The following CPD variants were observed in gnomAD, a reference collection of about 807,000 sequenced individuals.
CPD encodes carboxypeptidase D, also known as metallocarboxypeptidase D.
Under a neutral mutation model 138.3 loss-of-function variants are expected in CPD, and 69 were observed. That is an observed-to-expected ratio of 0.50 (90% CI 0.41 to 0.61). CPD has a LOEUF of 0.61. CPD is among the 20% of genes least tolerant of loss of function. CPD has a pLI of 0.00. For synonymous variants in CPD, 651 were observed against 642.1 expected, an observed-to-expected ratio of 1.01 and a Z score of -0.21; for missense variants, 1,432 against 1,733.3, an observed-to-expected ratio of 0.83 and a Z score of 3.09.
At chr17:30,383,049 G>C (rs1401345827) in intron 1 of CPD, among the ~76,000 whole-genome samples, 1 of 152,218 alleles carries the variant, frequency 6.6e-6, no homozygotes, top group African/African-American at 2.4e-5. Context: ...TTACAAACCA[G>C]AGAGTAAATT....
chr17:30,422,102 A>T (rs1234835819), intron 4 of CPD, among the ~76,000 whole-genome samples: 2 of 152,346 alleles, frequency 1.3e-5, no homozygotes, highest in East Asian at 3.9e-4. Context: ...TGTGTAAAGC[A>T]TTGCCTTAAA....
At chr17:30,389,625 A>G (rs1597705962) in intron 2 of CPD, among the ~76,000 whole-genome samples, 1 of 152,248 alleles carries the variant, frequency 6.6e-6, no homozygotes, top group Non-Finnish European at 1.5e-5. Flanking sequence ...AGGTAAATGT[A>G]TCTCATACTA....
At chr17:30,397,139 A>T (rs1378663564) in intron 2 of CPD, among the ~76,000 whole-genome samples, 7 of 152,056 alleles carry the variant, frequency 4.6e-5, no homozygotes, top group African/African-American at 1.7e-4. Context: ...TGAAAGATGT[A>T]TTTTCAGTAA....
chr17:30,383,334 G>A (rs1567863847), intron 1 of CPD, among the ~76,000 whole-genome samples: 1 of 152,126 alleles, frequency 6.6e-6, no homozygotes. Context: ...CTGGGAAATG[G>A]GTAGCATTAA....
intron 2 of CPD, 176 bp downstream of exon 2, chr17:30,385,412 T>C: frequency 1.5e-6 from 1 of 673,090 alleles, no homozygotes; most frequent in Non-Finnish European, 2.3e-6. Flanking sequence ...GACCTATCTG[T>C]CCTTCATTTA....
chr17:30,448,557 A>C lies in CPD; in HGVS notation c.2874-996A>C, dbSNP rs187596363. On this transcript the variant is annotated intron_variant, in intron 12 of 20. Transcript: ENST00000225719. Reference sequence around the variant, plus strand: ...AGTACCATTGAATAGCGTCATGAGAAAGCAATAAGGTTTCTGTTAATTTTT... The same window carrying C: ...AGTACCATTGAATAGCGTCATGAGACAGCAATAAGGTTTCTGTTAATTTTT... Among the ~76,000 whole-genome samples the C allele has an allele frequency of 1.9e-3, 293 of 152,296 alleles. 1 individual carries two copies. The highest frequency in any genetic ancestry group is 6.6e-3 in the African/African-American group (273 of 41,552).
intron 10 of CPD, among the ~76,000 whole-genome samples, chr17:30,443,295 C>T (rs1421657259): frequency 6.6e-6 from 1 of 152,066 alleles, no homozygotes; most frequent in South Asian, 2.1e-4. Flanking sequence ...TGCTACTGTC[C>T]TACCCAAGAA....
At chr17:30,393,462 CAAAA>C (rs1235581553) in intron 2 of CPD, among the ~76,000 whole-genome samples, 2 of 151,850 alleles carry the variant, frequency 1.3e-5, no homozygotes, top group Non-Finnish European at 2.9e-5. Flanking sequence ...TAATCTAAAA[CAAAA>C]AGGAATAAGA....
chr17:30,449,894 C>A, intron 13 of CPD, 146 bp downstream of exon 13: 2 of 643,952 alleles, frequency 3.1e-6, no homozygotes, highest in South Asian at 2.5e-5. Context: ...TAAAAATGAA[C>A]CATCTTTGTA....
rs1913586872 is a variant in CPD at position 30,464,682 on chromosome 17, C to G, written c.4011C>G (p.Leu1337=). ...GACACAAGGATGGCTTTCATCGGCT[C>G]AGGCAGCATCATGATGAGTATGAAG... is the stretch of plus-strand genomic sequence containing the variant. The part of the protein sequence containing the change: ...SNRHKDGFHR[L]RQHHDEYEDE... Residue 1337 remains leucine (L), a synonymous_variant, in exon 21 of 21, where the codon CTC becomes CTG. Coordinates refer to ENST00000225719, the MANE Select transcript of CPD (RefSeq NM_001304.5). 1 of 1,613,992 alleles carries G rather than the reference C, an allele frequency of 6.2e-7. No individual in the cohort carries two copies. The highest frequency in any genetic ancestry group is 2.2e-5 in the East Asian group (1 of 44,884).
In CPD at chr17:30,468,779, C is replaced by G. The variant is rs1038427621; in HGVS notation, c.*3965C>G. 1.3e-5 allele frequency: 2 copies of G among 152,130 alleles called. No individual in the cohort carries two copies. Among genetic ancestry groups the G allele is most frequent in the African/African-American group, 4.8e-5 (2 of 41,404 alleles). 9.4% of individuals were successfully genotyped at this position (152,130 alleles called of 1,614,324 possible). A position where few individuals can be genotyped will look rare whatever the true frequency, so the allele number is the denominator to read the frequency against. ...TTTGAAAATTATTTAGTTTTTCTGC[C>G]TATGCTAGTGGAAAAATAGTACCAG... is the stretch of plus-strand genomic sequence containing the variant. On this transcript the variant is annotated 3_prime_UTR_variant, in exon 21 of 21. Coordinates refer to ENST00000225719, the MANE Select transcript of CPD (RefSeq NM_001304.5).
intron 4 of CPD, 77 bp from the exon 5 acceptor site, chr17:30,422,597 G>C: frequency 1.1e-6 from 1 of 888,648 alleles, no homozygotes. Context: ...GGATGAAAAG[G>C]CTACTGTGCT....
In CPD at chr17:30,389,797, CT is replaced by C. The variant is rs1234143091; in HGVS notation, c.994+4565del. ...TCATTTTTATTTTCATGAGCATCAACTTTTCTCTTGTTTCAGCTGAATGTCG... is the reference window on the plus strand; with the variant it reads ...TCATTTTTATTTTCATGAGCATCAACTTTCTCTTGTTTCAGCTGAATGTCG... On this transcript the variant is annotated intron_variant, in intron 2 of 20. Transcript: ENST00000225719. 2.2e-4 allele frequency among the ~76,000 whole-genome samples: 34 copies of C among 152,298 alleles called. 1 individual carries two copies. Among genetic ancestry groups the C allele is most frequent in the Admixed American group, 1.9e-3 (29 of 15,298 alleles).
chr17:30,446,801 A>C (rs1266177672), intron 12 of CPD, among the ~76,000 whole-genome samples: 1 of 152,222 alleles, frequency 6.6e-6, no homozygotes, highest in African/African-American at 2.4e-5. Context: ...AACAATGTAA[A>C]AGTGTTCCTA....
At chr17:30,396,273 C>T (rs899629361) in intron 2 of CPD, among the ~76,000 whole-genome samples, 2 of 151,860 alleles carry the variant, frequency 1.3e-5, no homozygotes, top group African/African-American at 4.8e-5. Context: ...CTTTAAAATG[C>T]TTTTCCTATT....
At chr17:30,457,506 G>A (rs992249957) in intron 17 of CPD, among the ~76,000 whole-genome samples, 2 of 152,182 alleles carry the variant, frequency 1.3e-5, no homozygotes, top group South Asian at 2.1e-4. Context: ...TAGATACCTA[G>A]GAGTGGAATT....
rs767874233 is a variant in CPD at position 30,379,718 on chromosome 17, C to T, written c.738C>T (p.Arg246=). The part of the protein sequence containing the change: ...PEVRALIEWI[R]RNKFVLSGNL... The stretch of plus-strand genomic sequence containing the variant: ...TGCGCGCCCTCATCGAGTGGATCCG[C>T]AGGAACAAGTGAGTGTTGCCTGCCC... Residue 246 remains arginine (R), a synonymous_variant, in exon 1 of 21, where the codon CGC becomes CGT. Coordinates refer to ENST00000225719, the MANE Select transcript of CPD (RefSeq NM_001304.5). This position sits in a 1 kb window ranked among gnomAD's most constrained non-coding sequence, Gnocchi z 7.0. 55 of 1,492,520 alleles carry T rather than the reference C, an allele frequency of 3.7e-5. No homozygotes were observed. Among genetic ancestry groups the T allele is most frequent in the Non-Finnish European group, 4.7e-5 (54 of 1,139,580 alleles). 92.5% of individuals were successfully genotyped at this position (1,492,520 alleles called of 1,614,324 possible).
chr17:30,449,859 G>A (rs1284417227), intron 13 of CPD, 111 bp downstream of exon 13: 3 of 868,778 alleles, frequency 3.5e-6, no homozygotes, highest in Non-Finnish European at 5.1e-6. Context: ...AGAGTCACTT[G>A]TAGTACATTA....
At chr17:30,401,302 A>T (rs1484877328) in intron 2 of CPD, among the ~76,000 whole-genome samples, 2 of 89,672 alleles carry the variant, frequency 2.2e-5, no homozygotes, top group African/African-American at 8.5e-5. Flanking sequence ...TTCTCCTCTT[A>T]CTCCTCTTCC....
Sources: gnomAD v4.1 joint callset for allele counts (sites outside exome capture counted in the v4.1 genomes callset) on GRCh38, gnomAD v4.1.1 for gene constraint, Gnocchi (gnomAD v3.1) non-coding constraint, MANE v1.5 for transcripts, NCBI Gene and HGNC (gene_info 2026-07-23, HGNC 2026-07-21) for gene names.